Variants in CTNNA2 observed in about 807,000 individuals in gnomAD.
CTNNA2 encodes the protein catenin alpha 2.
A neutral mutation model predicts 101.0 loss-of-function variants in CTNNA2; 42 were observed. The ratio of observed to expected loss-of-function variants is 0.42; its 90% CI spans 0.32 to 0.54. The LOEUF (loss-of-function observed/expected upper bound fraction) is 0.54, where lower values mean the gene tolerates loss of function less well. Among genes scored for constraint, CTNNA2 ranks in the 20% least tolerant of loss-of-function variants. The pLI is 0.14. For synonymous variants in CTNNA2, 450 were observed against 456.4 expected (o/e 0.99, Z 0.18); for missense variants, 871 against 1,223.1 (o/e 0.71, Z 4.29).
chr2:80,609,032 GCTT>G (rs1460389644), intron 17 of CTNNA2, among the ~76,000 whole-genome samples: 2 of 151,666 alleles, frequency 1.3e-5, no homozygotes, highest in Admixed American at 6.6e-5. Flanking sequence ...CTTCACCTTG[GCTT>G]CTTCTCCTCC....
intron 7 of CTNNA2, among the ~76,000 whole-genome samples, chr2:80,080,968 A>AG (rs1699097855): frequency 2.0e-5 from 3 of 150,340 alleles, no homozygotes; most frequent in South Asian, 2.1e-4. Context: ...AAAAAAAAAA[A>AG]AAAAGAAATG....
intron 2 of CTNNA2, among the ~76,000 whole-genome samples, chr2:79,717,654 T>A (rs776843918): frequency 3.9e-5 from 6 of 152,174 alleles, no homozygotes; most frequent in Non-Finnish European, 5.9e-5. Flanking sequence ...TGACCACCAC[T>A]GGTCACATGG....
rs192546198 is a variant in CTNNA2, at chr2:79,652,661, C to T, written c.102+1003C>T. ...CATCTCAAGATCCTTAACCCAATCACATCCAAAAAGGCTTCTATTGCCATT... is the reference window on the plus strand; with the variant it reads ...CATCTCAAGATCCTTAACCCAATCATATCCAAAAAGGCTTCTATTGCCATT... On this transcript the variant is annotated intron_variant, in intron 2 of 18. Coordinates refer to ENST00000402739, the MANE Select transcript of CTNNA2 (RefSeq NM_001282597.3). 3.2e-3 allele frequency among the ~76,000 whole-genome samples: 488 copies of T among 152,248 alleles called. 1 individual carries two copies. Among genetic ancestry groups the T allele is most frequent in the African/African-American group, 0.011 (446 of 41,542 alleles).
intron 7 of CTNNA2, among the ~76,000 whole-genome samples, chr2:80,329,119 C>G (rs1025819611): frequency 6.6e-6 from 1 of 152,112 alleles, no homozygotes. Context: ...AGAAAGTTCC[C>G]GAGAATCACA....
At chr2:80,208,497 A>G (rs890326684) in intron 7 of CTNNA2, among the ~76,000 whole-genome samples, 3 of 152,116 alleles carry the variant, frequency 2.0e-5, no homozygotes, top group Non-Finnish European at 4.4e-5. Context: ...TCCTGTCCTA[A>G]TAGGTGCTCT....
At chr2:79,804,804 C>A (rs1305242584) in intron 3 of CTNNA2, among the ~76,000 whole-genome samples, 1 of 152,286 alleles carries the variant, frequency 6.6e-6, no homozygotes, top group South Asian at 2.1e-4. Flanking sequence ...AGTTATAGCA[C>A]TTTAATGGAT....
At chr2:79,883,873 A>G (rs1683641507) in intron 6 of CTNNA2, among the ~76,000 whole-genome samples, 1 of 152,196 alleles carries the variant, frequency 6.6e-6, no homozygotes, top group Non-Finnish European at 1.5e-5. Context: ...TCATTACATT[A>G]GAAAGGTATT....
At chr2:79,230,711 C>T (rs1198057071) in intron 2 of CTNNA2, among the ~76,000 whole-genome samples, 1 of 152,284 alleles carries the variant, frequency 6.6e-6, no homozygotes, top group East Asian at 1.9e-4. Flanking sequence ...GGAAAAGCCA[C>T]AGGCACTCAA....
intron 7 of CTNNA2, among the ~76,000 whole-genome samples, chr2:80,304,907 CAAAAAAAAAAAA>C (rs56174873): frequency 1.4e-5 from 1 of 73,846 alleles, no homozygotes; most frequent in African/African-American, 4.8e-5. Context: ...GTCCATATTT[CAAAAAAAAAAAA>C]AAAAAAAAAA....
intron 2 of CTNNA2, among the ~76,000 whole-genome samples, chr2:79,658,494 T>C (rs1280203863): frequency 6.6e-6 from 1 of 152,004 alleles, no homozygotes; most frequent in Non-Finnish European, 1.5e-5. Flanking sequence ...TTTGGATACT[T>C]TTTAGAAAAA....
At chr2:80,190,073 A>C (rs879523725) in intron 7 of CTNNA2, among the ~76,000 whole-genome samples, 5 of 152,042 alleles carry the variant, frequency 3.3e-5, no homozygotes, top group Non-Finnish European at 5.9e-5. Flanking sequence ...ATGTGTGCAC[A>C]CATAGAAACT....
chr2:79,411,684 C>G (rs1402469469), intron 4 of CTNNA2, among the ~76,000 whole-genome samples: 2 of 152,056 alleles, frequency 1.3e-5, no homozygotes, highest in Non-Finnish European at 2.9e-5. Flanking sequence ...ACTTTACAGA[C>G]AAGCAACTGC....
intron 7 of CTNNA2, among the ~76,000 whole-genome samples, chr2:80,332,144 G>T (rs1362858159): frequency 4.6e-5 from 7 of 152,108 alleles, no homozygotes; most frequent in Non-Finnish European, 5.9e-5. Flanking sequence ...ACATGTCTTA[G>T]TTTACTTTTG....
chr2:79,788,754 A>G (rs757351618), intron 3 of CTNNA2, among the ~76,000 whole-genome samples: 20 of 152,304 alleles, frequency 1.3e-4, no homozygotes, highest in Admixed American at 2.0e-4. Context: ...CAAAACTTCC[A>G]GGTATCAGTG....
intron 3 of CTNNA2, among the ~76,000 whole-genome samples, chr2:79,832,006 T>C (rs1678967869): frequency 6.6e-6 from 1 of 152,198 alleles, no homozygotes; most frequent in Non-Finnish European, 1.5e-5. Context: ...ACTTTGTCTT[T>C]AAAGCATTTT....
At chr2:80,217,929 A>G (rs771148868) in intron 7 of CTNNA2, among the ~76,000 whole-genome samples, 6 of 152,216 alleles carry the variant, frequency 3.9e-5, no homozygotes, top group Non-Finnish European at 7.3e-5. Flanking sequence ...TTGCAAAAGG[A>G]TCTCATTTAT....
At chr2:80,455,006 G>T (rs1341690786) in intron 9 of CTNNA2, among the ~76,000 whole-genome samples, 1 of 152,278 alleles carries the variant, frequency 6.6e-6, no homozygotes, top group Non-Finnish European at 1.5e-5. Flanking sequence ...TGAAAAGGGA[G>T]ATGATATGCG....
intron 7 of CTNNA2, among the ~76,000 whole-genome samples, chr2:79,999,700 G>A (rs1692802431): frequency 6.6e-6 from 1 of 152,062 alleles, no homozygotes; most frequent in African/African-American, 2.4e-5. Context: ...TACTCATTTA[G>A]TCATTCAACA....
chr2:79,730,151 A>G (rs1687111054), intron 2 of CTNNA2, among the ~76,000 whole-genome samples: 1 of 152,096 alleles, frequency 6.6e-6, no homozygotes, highest in African/African-American at 2.4e-5. Context: ...ATTCTTTGAT[A>G]GGCTTTATGA....
Sources: allele counts gnomAD v4.1 joint callset (sites outside exome capture counted in the v4.1 genomes callset), GRCh38; gene constraint gnomAD v4.1.1; transcripts MANE v1.5; gene names NCBI Gene and HGNC (gene_info 2026-07-23, HGNC 2026-07-21).